The following TCERG1L variants were observed in gnomAD, a reference collection of about 807,000 sequenced individuals.
TCERG1L encodes the protein transcription elongation regulator 1-like protein.
TCERG1L carries 37 observed loss-of-function variants against 56.3 expected under a neutral mutation model. The ratio of observed to expected loss-of-function variants is 0.66; its 90% confidence interval spans 0.51 to 0.87. TCERG1L has a LOEUF of 0.87. Ranked by LOEUF, TCERG1L falls within the 40% of genes least tolerant of loss-of-function variation. The probability of loss-of-function intolerance (pLI) is 0.00; values close to 1 mark genes in which losing one functional copy is unlikely to be tolerated. For synonymous variants in TCERG1L, 324 were observed against 326.3 expected, an observed-to-expected ratio of 0.99 and a Z score of 0.08; for missense variants, 799 against 774.2, an observed-to-expected ratio of 1.03 and a Z score of -0.38.
At chr10:131,109,732 C>A (rs1000155848) in intron 9 of TCERG1L, among the ~76,000 whole-genome samples, 7 of 152,194 alleles carry the variant, frequency 4.6e-5, no homozygotes, top group Non-Finnish European at 1.0e-4. Context: ...CCACTCTCAG[C>A]CTCCTGCAGC....
At chr10:131,271,305 C>T (rs144783594) in intron 3 of TCERG1L, among the ~76,000 whole-genome samples, 9 of 152,222 alleles carry the variant, frequency 5.9e-5, no homozygotes, top group African/African-American at 1.7e-4. Flanking sequence ...CCCACTGTGC[C>T]GGCTCAGCAC....
At chr10:131,178,125 G>A (rs930085938) in intron 4 of TCERG1L, among the ~76,000 whole-genome samples, 3 of 152,078 alleles carry the variant, frequency 2.0e-5, no homozygotes, top group African/African-American at 7.2e-5. Flanking sequence ...GCCCCCTGAG[G>A]ACCCTGCCTC....
At chr10:131,153,749 T>C (rs1564802930) in intron 6 of TCERG1L, among the ~76,000 whole-genome samples, 1 of 152,128 alleles carries the variant, frequency 6.6e-6, no homozygotes, top group Non-Finnish European at 1.5e-5. Flanking sequence ...CCCCAAAGTG[T>C]GGGGAAACAG....
At chr10:131,157,335 A>G (rs1845934356) in intron 6 of TCERG1L, among the ~76,000 whole-genome samples, 1 of 152,184 alleles carries the variant, frequency 6.6e-6, no homozygotes, top group African/African-American at 2.4e-5. Flanking sequence ...AATATTTAAT[A>G]TATATTTTTT....
chr10:131,286,236 T>A (rs7084751), intron 3 of TCERG1L, among the ~76,000 whole-genome samples: 11,253 of 152,222 alleles, frequency 0.074, 522 homozygotes, highest in African/African-American at 0.11. Flanking sequence ...AAATGATGCT[T>A]AATGCCTAAG....
At chr10:131,186,462 T>A (rs1299925328) in intron 4 of TCERG1L, among the ~76,000 whole-genome samples, 1 of 152,140 alleles carries the variant, frequency 6.6e-6, no homozygotes. Context: ...TCCAAAGAGA[T>A]AACAGAGACT....
chr10:131,135,884 G>A (rs976365252), intron 7 of TCERG1L, among the ~76,000 whole-genome samples: 1 of 152,256 alleles, frequency 6.6e-6, no homozygotes, highest in Admixed American at 6.5e-5. Flanking sequence ...AGCAGAACTT[G>A]GCCCCGGAAG....
At chr10:131,101,283 T>C (rs780129508) in intron 10 of TCERG1L, among the ~76,000 whole-genome samples, 1 of 152,196 alleles carries the variant, frequency 6.6e-6, no homozygotes, top group Non-Finnish European at 1.5e-5. Context: ...ATGAACCACG[T>C]CCATCCAGCA....
In TCERG1L at chr10:131,093,083, G is replaced by T; in HGVS notation, c.*79C>A. On this transcript the variant is annotated 3_prime_UTR_variant, in exon 12 of 12. Coordinates refer to ENST00000368642, the MANE Select transcript of TCERG1L (RefSeq NM_174937.4). ...TGCAGGTCTCGGCCGCCCCACGCCC[G>T]TGTCCGTCTCCACCGTGACCCCCTC... The T allele has an allele frequency of 2.0e-6, 3 of 1,513,638 alleles. No homozygotes were observed. Among genetic ancestry groups the T allele is most frequent in the Non-Finnish European group, 1.8e-6 (2 of 1,122,288 alleles). 93.8% of individuals were successfully genotyped at this position (1,513,638 alleles called of 1,614,324 possible). A position where few individuals can be genotyped will look rare whatever the true frequency, so the allele number is the denominator to read the frequency against.
intron 4 of TCERG1L, among the ~76,000 whole-genome samples, chr10:131,248,742 T>A (rs558547679): frequency 6.6e-6 from 1 of 152,214 alleles, no homozygotes; most frequent in Non-Finnish European, 1.5e-5. Context: ...ACTCTCAACA[T>A]GCACTAGGCT....
At chr10:131,153,732 T>C (rs1206648014) in intron 6 of TCERG1L, among the ~76,000 whole-genome samples, 1 of 152,190 alleles carries the variant, frequency 6.6e-6, no homozygotes, top group African/African-American at 2.4e-5. Context: ...GCCAGCACCC[T>C]GGAATGCCCC....
At chr10:131,238,209 C>T (rs1278426892) in intron 4 of TCERG1L, among the ~76,000 whole-genome samples, 4 of 152,144 alleles carry the variant, frequency 2.6e-5, no homozygotes, top group South Asian at 2.1e-4. Flanking sequence ...TCTCAGGAAA[C>T]GGCCCCCACG....
At chr10:131,185,443 A>G (rs939917958) in intron 4 of TCERG1L, among the ~76,000 whole-genome samples, 1 of 152,202 alleles carries the variant, frequency 6.6e-6, no homozygotes, top group East Asian at 1.9e-4. Context: ...AAAGGAAAAA[A>G]CAACCTTCAG....
At chr10:131,285,971 G>A (rs1366674211) in intron 3 of TCERG1L, among the ~76,000 whole-genome samples, 1 of 152,188 alleles carries the variant, frequency 6.6e-6, no homozygotes, top group African/African-American at 2.4e-5. Flanking sequence ...AACAGGACCA[G>A]CATGGGGTAC....
In TCERG1L at chr10:131,267,114, C is replaced by G. The variant is rs1254500400; in HGVS notation, c.671-6670G>C. Among the ~76,000 whole-genome samples the G allele has an allele frequency of 6.6e-6, 1 of 152,198 alleles. No individual in the cohort carries two copies. Among genetic ancestry groups the G allele is most frequent in the Non-Finnish European group, 1.5e-5 (1 of 68,034 alleles). ...CCGTCTGCCTCCTGCCACCACTCATCATGCCCAGGCCGCTTGCACCCAGGG... is the reference window on the plus strand; with the variant it reads ...CCGTCTGCCTCCTGCCACCACTCATGATGCCCAGGCCGCTTGCACCCAGGG... On this transcript the variant is annotated intron_variant, in intron 3 of 11. Coordinates refer to ENST00000368642, the MANE Select transcript of TCERG1L (RefSeq NM_174937.4). This position sits in a 1 kb window ranked among gnomAD's most constrained non-coding sequence, Gnocchi z 4.9.
At chr10:131,123,918 G>T (rs1451594935) in intron 8 of TCERG1L, among the ~76,000 whole-genome samples, 1 of 102,676 alleles carries the variant, frequency 9.7e-6, no homozygotes, top group Non-Finnish European at 2.5e-5. Flanking sequence ...TTCCTTGGTG[G>T]ATTTTTGAAC....
intron 3 of TCERG1L, among the ~76,000 whole-genome samples, chr10:131,294,300 A>G (rs1846665910): frequency 6.6e-6 from 1 of 152,146 alleles, no homozygotes; most frequent in South Asian, 2.1e-4. Context: ...ATCAAAGGCC[A>G]TACACTCTAC....
In TCERG1L at chr10:131,113,113, T is replaced by C. The variant is rs1030414221; in HGVS notation, c.1395+3686A>G. ...CATCAATGCCTACCCCCATCTTCAG[T>C]GCTCAGAGTATTTTACCAGCTTTTT... On this transcript the variant is annotated intron_variant, in intron 9 of 11. Transcript: ENST00000368642. Among the ~76,000 whole-genome samples, 3 of 143,196 alleles carry C rather than the reference T, an allele frequency of 2.1e-5. 1 individual carries two copies. The highest frequency in any genetic ancestry group is 4.7e-5 in the Non-Finnish European group (3 of 63,524). The allele number at this position is 143,196 out of a possible 152,430, so 93.9% of individuals were successfully genotyped here.
chr10:131,214,941 T>C (rs1213447274), intron 4 of TCERG1L, among the ~76,000 whole-genome samples: 1 of 152,224 alleles, frequency 6.6e-6, no homozygotes, highest in Non-Finnish European at 1.5e-5. Flanking sequence ...GCTCATCTCA[T>C]TGAATTTTCA....
Sources: gnomAD v4.1 joint callset for allele counts (sites outside exome capture counted in the v4.1 genomes callset) on GRCh38, gnomAD v4.1.1 for gene constraint, Gnocchi (gnomAD v3.1) non-coding constraint, MANE v1.5 for transcripts, NCBI Gene and HGNC (gene_info 2026-07-23, HGNC 2026-07-21) for gene names.